Variants in CRYL1 observed in about 807,000 individuals in gnomAD.
CRYL1 encodes the protein crystallin lambda 1.
Under a neutral mutation model 36.6 loss-of-function variants are expected in CRYL1, and 29 were observed. That is an observed-to-expected ratio of 0.79 (90% CI 0.59 to 1.08). The LOEUF (loss-of-function observed/expected upper bound fraction) is 1.08. Ranked by LOEUF, CRYL1 falls within the 50% of genes least tolerant of loss-of-function variation. CRYL1 has a pLI of 0.00. For synonymous variants in CRYL1, 152 were observed against 151.5 expected (o/e 1.00, Z -0.02); for missense variants, 411 against 407.9 (o/e 1.01, Z -0.06).
At chr13:20,504,602 C>T (rs968052236) in intron 2 of CRYL1, among the ~76,000 whole-genome samples, 2 of 152,100 alleles carry the variant, frequency 1.3e-5, no homozygotes, top group African/African-American at 4.8e-5. Flanking sequence ...TAAAACACAG[C>T]TTCATCCTCT....
intron 5 of CRYL1, among the ~76,000 whole-genome samples, chr13:20,424,417 T>C (rs1310459379): frequency 6.6e-6 from 1 of 152,124 alleles, no homozygotes; most frequent in African/African-American, 2.4e-5. Context: ...GGAGCTGGAA[T>C]AGTCAGAGCC....
chr13:20,484,568 A>C (rs1004820268), intron 3 of CRYL1, among the ~76,000 whole-genome samples: 1 of 152,152 alleles, frequency 6.6e-6, no homozygotes, highest in African/African-American at 2.4e-5. Flanking sequence ...GCTAATTGGG[A>C]GGCTGAGGCA....
intron 1 of CRYL1, among the ~76,000 whole-genome samples, chr13:20,522,701 A>G (rs890214126): frequency 4.6e-5 from 7 of 151,756 alleles, no homozygotes; most frequent in African/African-American, 1.7e-4. Flanking sequence ...GCAGGACAGG[A>G]GAAAGGGCAT....
intron 3 of CRYL1, among the ~76,000 whole-genome samples, chr13:20,487,802 C>CA (rs1339575614): frequency 1.3e-5 from 2 of 150,998 alleles, no homozygotes; most frequent in African/African-American, 2.4e-5. Flanking sequence ...AAACAAAAAG[C>CA]AAAAAAAACT....
At chr13:20,470,933 A>C (rs531736357) in intron 3 of CRYL1, among the ~76,000 whole-genome samples, 90 of 151,280 alleles carry the variant, frequency 5.9e-4, no homozygotes, top group Middle Eastern at 3.4e-3. Flanking sequence ...AAAACAAAAA[A>C]AAAAACCCAT....
At chr13:20,404,891 T>C (rs556557136) in intron 6 of CRYL1, 150 bp from the exon 7 acceptor site, 26 of 624,334 alleles carry the variant, frequency 4.2e-5, no homozygotes, top group South Asian at 1.3e-4. Context: ...AGCTGGGGCA[T>C]GTGTAAGGGC....
Position 20,525,688 on chromosome 13 carries a change from G to A in CRYL1, c.41+66C>T. The A allele has an allele frequency of 7.8e-7, 1 of 1,276,856 alleles. No individual in the cohort carries two copies. Among genetic ancestry groups the A allele is most frequent in the Non-Finnish European group, 1.0e-6 (1 of 996,982 alleles). 79.1% of individuals were successfully genotyped at this position (1,276,856 alleles called of 1,614,324 possible). A position where few individuals can be genotyped will look rare whatever the true frequency, so the allele number is the denominator to read the frequency against. On this transcript the variant is annotated intron_variant, in intron 1 of 7. Coordinates refer to ENST00000298248, the MANE Select transcript of CRYL1 (RefSeq NM_015974.3). This position sits in a 1 kb window ranked among gnomAD's most constrained non-coding sequence, Gnocchi z 4.3. ...GGCGCCCACCCCGAGGGCCCCACGCGAGGGCACCACGTCCCCGGCGTCTCC... is the reference window on the plus strand; with the variant it reads ...GGCGCCCACCCCGAGGGCCCCACGCAAGGGCACCACGTCCCCGGCGTCTCC...
chr13:20,507,811 C>G (rs567501839), intron 2 of CRYL1, among the ~76,000 whole-genome samples: 7 of 150,898 alleles, frequency 4.6e-5, no homozygotes, highest in Admixed American at 3.3e-4. Context: ...CCAGCTACTC[C>G]GGAGGCTGAG....
intron 6 of CRYL1, among the ~76,000 whole-genome samples, chr13:20,409,193 C>T (rs1269053967): frequency 6.6e-6 from 1 of 151,008 alleles, no homozygotes; most frequent in Non-Finnish European, 1.5e-5. Flanking sequence ...AGAAATAATG[C>T]TGCATATCTA....
chr13:20,411,913 T>A (rs1453570274), intron 6 of CRYL1, among the ~76,000 whole-genome samples: 1 of 152,196 alleles, frequency 6.6e-6, no homozygotes, highest in African/African-American at 2.4e-5. Context: ...CAGGAACATG[T>A]CTAGTAAAGC....
chr13:20,426,909 C>G, intron 5 of CRYL1: 4 of 985,574 alleles, frequency 4.1e-6, no homozygotes, highest in Non-Finnish European at 4.8e-6. Flanking sequence ...GACAGCAGTC[C>G]AGCACAGGGA....
At chr13:20,434,029 C>T (rs1434009854) in intron 4 of CRYL1, among the ~76,000 whole-genome samples, 4 of 152,150 alleles carry the variant, frequency 2.6e-5, no homozygotes, top group Admixed American at 6.5e-5. Context: ...GAGTGCTGGA[C>T]GCCTTCCCTT....
At chr13:20,501,774 T>C (rs2033708512) in intron 2 of CRYL1, among the ~76,000 whole-genome samples, 1 of 152,186 alleles carries the variant, frequency 6.6e-6, no homozygotes, top group Admixed American at 6.5e-5. Context: ...TGCTTTGACG[T>C]TGACATTGCT....
At chr13:20,485,917 G>T (rs1383717050) in intron 3 of CRYL1, among the ~76,000 whole-genome samples, 1 of 151,162 alleles carries the variant, frequency 6.6e-6, no homozygotes, top group Admixed American at 6.6e-5. Flanking sequence ...ATAATATTTT[G>T]TTTGTTTGTT....
At chr13:20,507,786 C>A (rs527748178) in intron 2 of CRYL1, among the ~76,000 whole-genome samples, 6 of 151,188 alleles carry the variant, frequency 4.0e-5, no homozygotes, top group South Asian at 4.2e-4. Context: ...GGCGTGGTGG[C>A]GAGCACCTGT....
rs1313871379 is a variant in CRYL1 at position 20,508,851 on chromosome 13, AAAAAAAAAAAAAAAAAAAAAAAAAC to A, written c.149+3567_149+3591del. On this transcript the variant is annotated intron_variant, in intron 2 of 7. Coordinates refer to ENST00000298248, the MANE Select transcript of CRYL1 (RefSeq NM_015974.3). ...CCTAGGTGGCAGAGCGAGACTCCAA[AAAAAAAAAAAAAAAAAAAAAAAAAC>A]AAAAAAAAAAAACTGACAACAACAA... 1.6e-3 allele frequency among the ~76,000 whole-genome samples: 26 copies of A among 16,150 alleles called. 1 individual carries two copies. Among genetic ancestry groups the A allele is most frequent in the East Asian group, 5.3e-3 (1 of 190 alleles). The allele number at this position is 16,150 out of a possible 152,430, so 10.6% of individuals were successfully genotyped here.
chr13:20,513,563 G>T (rs370095134), intron 1 of CRYL1: 1 of 152,112 alleles, frequency 6.6e-6, no homozygotes, highest in African/African-American at 2.4e-5. Flanking sequence ...ATAAACTGAG[G>T]CATGGAGGAA....
chr13:20,430,128 G>T, intron 5 of CRYL1: 1 of 909,210 alleles, frequency 1.1e-6, no homozygotes, highest in Non-Finnish European at 1.3e-6. Flanking sequence ...CCCCTGCCAG[G>T]AGAGGACCTG....
chr13:20,439,723 T>G lies in CRYL1; in HGVS notation c.308A>C (p.Lys103Thr). Residue 103 changes from lysine to threonine, a missense_variant, in exon 4 of 8, where the codon AAG becomes ACG. By Grantham distance (78) the Lys-to-Thr change is moderately conservative (BLOSUM62 -1). Transcript: ENST00000298248. ...GGAATCTAACTGAGCAAAAATCTTC[T>G]TCTTCAGTTCTAGATCTTCTGGAAC... ...ECVPEDLELK[K>T]KIFAQLDSII... 3 of 1,614,116 alleles carry G rather than the reference T, an allele frequency of 1.9e-6. No individual in the cohort carries two copies. Among genetic ancestry groups the G allele is most frequent in the Non-Finnish European group, 2.5e-6 (3 of 1,179,996 alleles).
Sources: allele counts gnomAD v4.1 joint callset (sites outside exome capture counted in the v4.1 genomes callset), GRCh38; gene constraint gnomAD v4.1.1; non-coding constraint Gnocchi (gnomAD v3.1); transcripts MANE v1.5; gene names NCBI Gene and HGNC (gene_info 2026-07-23, HGNC 2026-07-21).